NKAIN3: variants seen among roughly 807,000 people sequenced by gnomAD.
The protein encoded by NKAIN3 is sodium/potassium transporting ATPase interacting 3.
Under a neutral mutation model 30.2 loss-of-function variants are expected in NKAIN3, and 25 were observed. The ratio of observed to expected loss-of-function variants is 0.83; its 90% CI spans 0.60 to 1.16. The LOEUF is 1.16. Ranked by LOEUF, NKAIN3 falls within the 50% of genes most tolerant of loss-of-function variation. NKAIN3 has a pLI of 0.00. For missense variants in NKAIN3, 225 were observed against 254.1 expected, an observed-to-expected ratio of 0.89 and a Z score of 0.78; for synonymous variants, 91 against 89.6, an observed-to-expected ratio of 1.02 and a Z score of -0.09.
At chr8:62,746,768 T>C (rs928356482) in intron 3 of NKAIN3, among the ~76,000 whole-genome samples, 164 bp from the exon 4 acceptor site, 5 of 152,264 alleles carry the variant, frequency 3.3e-5, no homozygotes, top group Non-Finnish European at 7.3e-5. Context: ...AGTTTAGGCA[T>C]ATAATACATG....
intron 1 of NKAIN3, among the ~76,000 whole-genome samples, chr8:62,443,237 C>CT (rs1299098702): frequency 2.0e-5 from 3 of 151,746 alleles, no homozygotes; most frequent in African/African-American, 7.3e-5. Flanking sequence ...ATGATTTCTG[C>CT]TTTTTTGTAT....
At chr8:62,542,951 A>G (rs1171643599) in intron 1 of NKAIN3, among the ~76,000 whole-genome samples, 2 of 152,048 alleles carry the variant, frequency 1.3e-5, no homozygotes, top group African/African-American at 4.8e-5. Context: ...CTAGTTTCAG[A>G]GTTGCCATGG....
rs189183153 is a variant in NKAIN3, at chr8:62,390,063, C to T, written c.54+140936C>T. On this transcript the variant is annotated intron_variant, in intron 1 of 6. Coordinates refer to ENST00000623646, the MANE Select transcript of NKAIN3 (RefSeq NM_001304533.3). ...CTTTTAAGTTCAGGGGTATATGTGT[C>T]GGCATCCCTGTTATATTGGTAACTT... Among the ~76,000 whole-genome samples the T allele has an allele frequency of 1.8e-3, 272 of 151,970 alleles. 1 individual carries two copies. The Middle Eastern group carries it at 0.031, about 17-fold the overall frequency.
intron 1 of NKAIN3, among the ~76,000 whole-genome samples, chr8:62,427,753 A>G (rs1243642553): frequency 6.6e-6 from 1 of 151,892 alleles, no homozygotes; most frequent in African/African-American, 2.4e-5. Context: ...TACATGTGTT[A>G]TTTTTCTATA....
chr8:62,940,763 A>C (rs1003206879), intron 5 of NKAIN3, among the ~76,000 whole-genome samples: 6 of 152,160 alleles, frequency 3.9e-5, no homozygotes, highest in Non-Finnish European at 1.5e-5. Flanking sequence ...GAGATACAGC[A>C]AAAGCAATTC....
At chr8:62,904,121 T>A (rs1422955505) in intron 4 of NKAIN3, among the ~76,000 whole-genome samples, 1 of 152,166 alleles carries the variant, frequency 6.6e-6, no homozygotes, top group African/African-American at 2.4e-5. Flanking sequence ...CCACATGTTA[T>A]GTATCTGGAC....
rs889870685 is a variant in NKAIN3 at position 62,597,464 on chromosome 8, C to T, written c.273+7670C>T. Among the ~76,000 whole-genome samples, 5 of 151,762 alleles carry T rather than the reference C, an allele frequency of 3.3e-5. No homozygotes were observed. The South Asian group carries it at 6.2e-4, about 19-fold the overall frequency. On this transcript the variant is annotated intron_variant, in intron 3 of 6. Transcript: ENST00000623646. The stretch of plus-strand genomic sequence containing the variant: ...AATATCTCCTAATGTGTTTGATAGT[C>T]GGCTTTTATTTTCACTTTTTGTTAA...
At chr8:62,274,838 A>G (rs1812884382) in intron 1 of NKAIN3, among the ~76,000 whole-genome samples, 1 of 151,102 alleles carries the variant, frequency 6.6e-6, no homozygotes, top group African/African-American at 2.4e-5. Context: ...GAGTGAGAAC[A>G]TGCAGTGTTT....
At chr8:62,377,626 C>A (rs1253335502) in intron 1 of NKAIN3, among the ~76,000 whole-genome samples, 1 of 152,022 alleles carries the variant, frequency 6.6e-6, no homozygotes, top group Admixed American at 6.5e-5. Context: ...TGGGAAGGAC[C>A]TGGTGGGAGG....
Position 62,806,049 on chromosome 8 carries a change from A to G in NKAIN3, c.471+58920A>G, listed in dbSNP as rs528051616. On this transcript the variant is annotated intron_variant, in intron 4 of 6. Coordinates refer to ENST00000623646, the MANE Select transcript of NKAIN3 (RefSeq NM_001304533.3). ...TTTATGCAGCCAAAAAAACACATGAAAAAATGCTCACCATCACTGGCCATC... is the reference window on the plus strand; with the variant it reads ...TTTATGCAGCCAAAAAAACACATGAGAAAATGCTCACCATCACTGGCCATC... 3.3e-5 allele frequency among the ~76,000 whole-genome samples: 5 copies of G among 152,348 alleles called. No homozygotes were observed. The South Asian group carries it at 1.0e-3, about 32-fold the overall frequency.
At chr8:62,566,724 T>A (rs1809766299) in intron 1 of NKAIN3, among the ~76,000 whole-genome samples, 2 of 152,138 alleles carry the variant, frequency 1.3e-5, no homozygotes, top group African/African-American at 4.8e-5. Context: ...TTTTTTTCAG[T>A]TGATTCATCT....
intron 1 of NKAIN3, among the ~76,000 whole-genome samples, chr8:62,464,447 G>A (rs1033157687): frequency 2.0e-5 from 3 of 152,102 alleles, no homozygotes; most frequent in African/African-American, 7.2e-5. Context: ...TAGAAAAGAA[G>A]TCACTGATAT....
chr8:62,253,959 CTCTT>C (rs980809748), intron 1 of NKAIN3, among the ~76,000 whole-genome samples: 1 of 152,146 alleles, frequency 6.6e-6, no homozygotes, highest in Admixed American at 6.6e-5. Context: ...TGTTTCCATT[CTCTT>C]TCTTTATTTC....
intron 3 of NKAIN3, among the ~76,000 whole-genome samples, chr8:62,745,589 T>C (rs1264805847): frequency 6.6e-6 from 1 of 152,226 alleles, no homozygotes; most frequent in Non-Finnish European, 1.5e-5. Context: ...CTATTGTTTA[T>C]GACCACAACA....
chr8:62,763,025 A>G (rs1816717000), intron 4 of NKAIN3, among the ~76,000 whole-genome samples: 1 of 151,902 alleles, frequency 6.6e-6, no homozygotes, highest in African/African-American at 2.4e-5. Flanking sequence ...GATCGAGGCC[A>G]TCCTGGCTAA....
At chr8:62,874,299 A>C (rs1237193222) in intron 4 of NKAIN3, among the ~76,000 whole-genome samples, 3 of 152,212 alleles carry the variant, frequency 2.0e-5, no homozygotes, top group Non-Finnish European at 4.4e-5. Flanking sequence ...TGAATCCCTG[A>C]GTAGACCAAT....
intron 3 of NKAIN3, among the ~76,000 whole-genome samples, chr8:62,681,924 A>C (rs1175440107): frequency 6.6e-6 from 1 of 152,174 alleles, no homozygotes; most frequent in Admixed American, 6.5e-5. Context: ...GTTTCAAATG[A>C]GGAAAGAAGA....
At chr8:62,550,056 T>C (rs1809148610) in intron 1 of NKAIN3, among the ~76,000 whole-genome samples, 2 of 151,752 alleles carry the variant, frequency 1.3e-5, no homozygotes, top group Non-Finnish European at 2.9e-5. Flanking sequence ...ACCAAGTTAT[T>C]AGAAACTCTT....
In NKAIN3 at chr8:62,614,088, C is replaced by T. The variant is rs1811373209; in HGVS notation, c.273+24294C>T. On this transcript the variant is annotated intron_variant, in intron 3 of 6. Coordinates refer to ENST00000623646, the MANE Select transcript of NKAIN3 (RefSeq NM_001304533.3). The stretch of plus-strand genomic sequence containing the variant: ...GGTGTTGATGCTAGTAGATGTTCTT[C>T]AGTATCTGGCCATTGAGGAGTTAGG... 2.0e-5 allele frequency among the ~76,000 whole-genome samples: 3 copies of T among 152,156 alleles called. 1 individual carries two copies. The South Asian group carries it at 6.2e-4, about 32-fold the overall frequency.
Sources: allele counts gnomAD v4.1 joint callset (sites outside exome capture counted in the v4.1 genomes callset), GRCh38; gene constraint gnomAD v4.1.1; transcripts MANE v1.5; gene names NCBI Gene and HGNC (gene_info 2026-07-23, HGNC 2026-07-21).